MACROD2: variants seen among roughly 807,000 people sequenced by gnomAD.
The protein encoded by MACROD2 is mono-ADP ribosylhydrolase 2.
A neutral mutation model predicts 70.4 loss-of-function variants in MACROD2; 36 were observed. The ratio of observed to expected loss-of-function variants is 0.51; its 90% CI spans 0.39 to 0.68. The LOEUF is 0.68. Among genes scored for constraint, MACROD2 ranks in the 30% least tolerant of loss-of-function variants. The probability of loss-of-function intolerance (pLI) is 0.00; values close to 1 mark genes in which losing one functional copy is unlikely to be tolerated. For synonymous variants in MACROD2, 172 were observed against 178.8 expected (o/e 0.96, Z 0.30); for missense variants, 496 against 538.4 (o/e 0.92, Z 0.78).
chr20:15,863,388 A>G (rs2064451597), intron 9 of MACROD2, among the ~76,000 whole-genome samples: 1 of 152,180 alleles, frequency 6.6e-6, no homozygotes, highest in African/African-American at 2.4e-5. Context: ...CCTCAGGGTT[A>G]TTAGAGAACC....
At chr20:15,772,473 C>T (rs1485008883) in intron 8 of MACROD2, among the ~76,000 whole-genome samples, 1 of 151,990 alleles carries the variant, frequency 6.6e-6, no homozygotes, top group African/African-American at 2.4e-5. Flanking sequence ...GCTAAGTAAT[C>T]ACAGATTCAC....
intron 5 of MACROD2, among the ~76,000 whole-genome samples, chr20:14,802,574 TAA>T (rs1228412372): frequency 6.6e-6 from 1 of 152,028 alleles, no homozygotes; most frequent in Non-Finnish European, 1.5e-5. Flanking sequence ...AGTGTGCCTA[TAA>T]GTGTTAATTA....
At chr20:15,233,969 T>A (rs7363656) in intron 6 of MACROD2, among the ~76,000 whole-genome samples, 13,426 of 54,548 alleles carry the variant, frequency 0.25, 1,522 homozygotes, top group African/African-American at 0.29. Flanking sequence ...AAATTTATTT[T>A]TATATATATT....
chr20:15,980,642 C>T (rs566582290), intron 13 of MACROD2, among the ~76,000 whole-genome samples: 3 of 152,284 alleles, frequency 2.0e-5, no homozygotes, highest in African/African-American at 7.2e-5. Flanking sequence ...TGAATCTGTG[C>T]TACACTTGTA....
intron 8 of MACROD2, among the ~76,000 whole-genome samples, chr20:15,565,624 T>A (rs1261367085): frequency 6.6e-6 from 1 of 152,204 alleles, no homozygotes. Context: ...TTTTTTTGTT[T>A]GTTTGTTTAG....
At chr20:14,783,026 A>T (rs538954659) in intron 5 of MACROD2, among the ~76,000 whole-genome samples, 5 of 152,254 alleles carry the variant, frequency 3.3e-5, no homozygotes, top group African/African-American at 1.2e-4. Flanking sequence ...GGGGGAGCCA[A>T]GGAAGGCTTC....
chr20:15,684,010 T>C (rs548869795), intron 8 of MACROD2, among the ~76,000 whole-genome samples: 1 of 152,378 alleles, frequency 6.6e-6, no homozygotes, highest in Admixed American at 6.5e-5. Context: ...AGATGATTTC[T>C]TTTCAAAATG....
chr20:14,643,136 A>C (rs1410814096), intron 4 of MACROD2, among the ~76,000 whole-genome samples: 1 of 152,244 alleles, frequency 6.6e-6, no homozygotes, highest in Non-Finnish European at 1.5e-5. Context: ...GCCACTTTAC[A>C]TAATTCCCTT....
At chr20:14,490,125 G>T (rs1278151858) in intron 3 of MACROD2, among the ~76,000 whole-genome samples, 1 of 152,026 alleles carries the variant, frequency 6.6e-6, no homozygotes, top group Non-Finnish European at 1.5e-5. Context: ...TTCCTATATT[G>T]TATTCACTTT....
chr20:14,584,302 CAA>C (rs1161888278), intron 4 of MACROD2, among the ~76,000 whole-genome samples: 3 of 151,886 alleles, frequency 2.0e-5, no homozygotes, highest in African/African-American at 7.3e-5. Flanking sequence ...TAAAATACAC[CAA>C]TTTTGTATTA....
At chr20:14,275,508 G>A (rs1190844794) in intron 3 of MACROD2, among the ~76,000 whole-genome samples, 3 of 151,510 alleles carry the variant, frequency 2.0e-5, no homozygotes, top group Non-Finnish European at 4.4e-5. Flanking sequence ...TTAAACGTTA[G>A]ACCTAAAACC....
At chr20:15,012,812 G>A (rs982823836) in intron 5 of MACROD2, among the ~76,000 whole-genome samples, 3 of 152,110 alleles carry the variant, frequency 2.0e-5, no homozygotes, top group African/African-American at 7.2e-5. Flanking sequence ...GAGCTCAGCC[G>A]TCCCAGTCTC....
intron 3 of MACROD2, among the ~76,000 whole-genome samples, chr20:14,331,606 T>C (rs1359209859): frequency 6.6e-6 from 1 of 152,146 alleles, no homozygotes; most frequent in Non-Finnish European, 1.5e-5. Flanking sequence ...GCTACTCTCA[T>C]ATGCCCCTGC....
chr20:14,023,225 A>C (rs2053113038), intron 2 of MACROD2, among the ~76,000 whole-genome samples: 2 of 152,116 alleles, frequency 1.3e-5, no homozygotes. Flanking sequence ...GTCTGTTCAT[A>C]TCCTTCGCCC....
chr20:14,856,297 T>G (rs956714921), intron 5 of MACROD2, among the ~76,000 whole-genome samples: 1 of 152,166 alleles, frequency 6.6e-6, no homozygotes, highest in African/African-American at 2.4e-5. Flanking sequence ...CTTAGTAAAA[T>G]TTGGCAAAAA....
intron 8 of MACROD2, among the ~76,000 whole-genome samples, chr20:15,572,204 G>A (rs2048385153): frequency 6.6e-6 from 1 of 152,028 alleles, no homozygotes; most frequent in Non-Finnish European, 1.5e-5. Context: ...GTAAGGGGAA[G>A]GGTATGTATC....
chr20:13,996,178 C>A (rs1014976656), intron 1 of MACROD2: 1 of 259,134 alleles, frequency 3.9e-6, no homozygotes, highest in Non-Finnish European at 7.2e-6. Flanking sequence ...TTGGGCACTG[C>A]CGGCCTGGGT....
chr20:14,127,107 T>C (rs2054661406), intron 3 of MACROD2, among the ~76,000 whole-genome samples: 1 of 151,998 alleles, frequency 6.6e-6, no homozygotes, highest in African/African-American at 2.4e-5. Flanking sequence ...TGAATGCAAA[T>C]GAAAAGTTCC....
intron 3 of MACROD2, among the ~76,000 whole-genome samples, chr20:14,154,950 G>GATGAGAACT (rs1423673868): frequency 3.3e-5 from 5 of 152,120 alleles, no homozygotes; most frequent in Admixed American, 6.5e-5. Context: ...GCTCCTTAAG[G>GATGAGAACT]ATGAGAACTA....
Sources: gnomAD v4.1 joint callset for allele counts (sites outside exome capture counted in the v4.1 genomes callset) on GRCh38, gnomAD v4.1.1 for gene constraint, MANE v1.5 for transcripts, NCBI Gene and HGNC (gene_info 2026-07-23, HGNC 2026-07-21) for gene names.